NPAS3: variants seen among roughly 807,000 people sequenced by gnomAD.
The protein encoded by NPAS3 is neuronal PAS domain-containing protein 3.
In NPAS3, 14 loss-of-function variants were observed where a neutral mutation model predicts 73.1. The ratio of observed to expected loss-of-function variants is 0.19; its 90% CI spans 0.13 to 0.30. NPAS3 has a LOEUF of 0.30. Ranked by LOEUF, NPAS3 falls within the 10% of genes least tolerant of loss-of-function variation. The pLI is 1.00. For missense variants in NPAS3, 1,096 were observed against 1,250.0 expected, an observed-to-expected ratio of 0.88 and a Z score of 1.86; for synonymous variants, 620 against 541.5, an observed-to-expected ratio of 1.14 and a Z score of -2.01.
intron 4 of NPAS3, among the ~76,000 whole-genome samples, chr14:33,398,525 G>A (rs1459560066): frequency 2.0e-5 from 3 of 151,802 alleles, no homozygotes; most frequent in Non-Finnish European, 4.4e-5. Context: ...GAGTTATCTG[G>A]ATTTATTAAC....
chr14:33,070,243 C>T (rs575688147), intron 2 of NPAS3, among the ~76,000 whole-genome samples: 2 of 152,090 alleles, frequency 1.3e-5, no homozygotes, highest in Non-Finnish European at 1.5e-5. Context: ...AAATTCTCCT[C>T]CATGTTTATA....
intron 3 of NPAS3, among the ~76,000 whole-genome samples, chr14:33,276,429 C>A (rs2041337534): frequency 6.6e-6 from 1 of 152,054 alleles, no homozygotes; most frequent in Non-Finnish European, 1.5e-5. Context: ...ACCATTTGTT[C>A]TAGTCCTCCC....
intron 9 of NPAS3, among the ~76,000 whole-genome samples, chr14:33,790,938 G>T (rs1358049033): frequency 6.6e-6 from 1 of 152,184 alleles, no homozygotes; most frequent in Non-Finnish European, 1.5e-5. Flanking sequence ...CAAACATTAT[G>T]ATTTCTTTTA....
chr14:33,254,178 A>G (rs976148299), intron 3 of NPAS3, among the ~76,000 whole-genome samples: 2 of 152,018 alleles, frequency 1.3e-5, no homozygotes, highest in Non-Finnish European at 1.5e-5. Flanking sequence ...CCAATTTTCC[A>G]TGTAGCAGCT....
intron 7 of NPAS3, among the ~76,000 whole-genome samples, chr14:33,752,268 C>A (rs59556555): frequency 5.8e-4 from 88 of 152,114 alleles, no homozygotes; most frequent in African/African-American, 2.0e-3. Context: ...TCTCAAACAT[C>A]TTTTTCTTCT....
At chr14:33,641,787 C>T (rs2140185161) in intron 5 of NPAS3, among the ~76,000 whole-genome samples, 1 of 151,922 alleles carries the variant, frequency 6.6e-6, no homozygotes, top group Non-Finnish European at 1.5e-5. Flanking sequence ...GGTTTGATGC[C>T]TATATTTCTG....
At chr14:33,266,720 C>T (rs557536927) in intron 3 of NPAS3, among the ~76,000 whole-genome samples, 85 of 152,206 alleles carry the variant, frequency 5.6e-4, no homozygotes, top group African/African-American at 1.9e-3. Context: ...TTTATCTCTC[C>T]ATCTGATGAG....
At chr14:33,547,144 A>C (rs1450160182) in intron 4 of NPAS3, among the ~76,000 whole-genome samples, 1 of 152,198 alleles carries the variant, frequency 6.6e-6, no homozygotes, top group Non-Finnish European at 1.5e-5. Flanking sequence ...TTGGGATACA[A>C]GTCTTCCATT....
intron 5 of NPAS3, among the ~76,000 whole-genome samples, chr14:33,595,999 G>A (rs1291830896): frequency 1.3e-5 from 2 of 152,218 alleles, no homozygotes; most frequent in South Asian, 2.1e-4. Context: ...TGTCCCAAGT[G>A]TAAAAGATTC....
intron 4 of NPAS3, among the ~76,000 whole-genome samples, chr14:33,383,826 A>ATCTT (rs1283433363): frequency 6.6e-6 from 1 of 152,172 alleles, no homozygotes; most frequent in Non-Finnish European, 1.5e-5. Context: ...AGTAGTTTTC[A>ATCTT]TCTTTGTGTT....
intron 5 of NPAS3, among the ~76,000 whole-genome samples, chr14:33,622,265 C>T (rs904334106): frequency 1.3e-5 from 2 of 151,762 alleles, no homozygotes; most frequent in South Asian, 4.2e-4. Flanking sequence ...TAAAGTGGAA[C>T]CATAAGAAAG....
chr14:33,263,623 G>A lies in NPAS3; in HGVS notation c.385+48197G>A, dbSNP rs868192043. Among the ~76,000 whole-genome samples the A allele has an allele frequency of 3.9e-3, 594 of 152,196 alleles. 5 individuals are homozygous for A. The highest frequency in any genetic ancestry group is 0.014 in the African/African-American group (575 of 41,514). ...TGCAGGCTCTTTTTTGGTTCCATAT[G>A]AACTTTAAAGTAGTTTTTTTCCAAT... On this transcript the variant is annotated intron_variant, in intron 3 of 11. Transcript: ENST00000356141.
intron 3 of NPAS3, among the ~76,000 whole-genome samples, chr14:33,342,691 G>C (rs922196844): frequency 2.0e-5 from 3 of 151,780 alleles, no homozygotes; most frequent in African/African-American, 7.3e-5. Context: ...TTTCCTCCTT[G>C]TATTATCTTG....
At chr14:33,566,396 G>GA (rs1338800523) in intron 5 of NPAS3, among the ~76,000 whole-genome samples, 2 of 152,012 alleles carry the variant, frequency 1.3e-5, no homozygotes. Flanking sequence ...ATCCTTGGGG[G>GA]AAAAAGTTCC....
chr14:33,657,086 C>T (rs950491489), intron 5 of NPAS3, among the ~76,000 whole-genome samples: 5 of 152,228 alleles, frequency 3.3e-5, no homozygotes, highest in African/African-American at 4.8e-5. Flanking sequence ...TGGAGGACAT[C>T]GCGCTAAGTG....
At chr14:33,513,047 A>G (rs915649375) in intron 4 of NPAS3, among the ~76,000 whole-genome samples, 1 of 152,180 alleles carries the variant, frequency 6.6e-6, no homozygotes, top group Non-Finnish European at 1.5e-5. Flanking sequence ...TGAAAAGCCA[A>G]TATCCTTAGC....
intron 3 of NPAS3, among the ~76,000 whole-genome samples, chr14:33,327,890 TTA>T (rs1566799952): frequency 1.3e-5 from 2 of 152,226 alleles, no homozygotes; most frequent in African/African-American, 4.8e-5. Context: ...ACCCATTGTT[TTA>T]TTAGTATAAT....
At chr14:33,732,839 G>A (rs186115888) in intron 6 of NPAS3, among the ~76,000 whole-genome samples, 6 of 150,268 alleles carry the variant, frequency 4.0e-5, no homozygotes, top group East Asian at 1.9e-4. Context: ...TTCAGGGCAC[G>A]ATGCCGTGAT....
chr14:33,445,473 A>G (rs543339885), intron 4 of NPAS3, among the ~76,000 whole-genome samples: 1 of 152,272 alleles, frequency 6.6e-6, no homozygotes, highest in Admixed American at 6.5e-5. Context: ...TCACATACAC[A>G]TTTCCTGATC....
Sources: gnomAD v4.1 joint callset for allele counts (sites outside exome capture counted in the v4.1 genomes callset) on GRCh38, gnomAD v4.1.1 for gene constraint, MANE v1.5 for transcripts, NCBI Gene and HGNC (gene_info 2026-07-23, HGNC 2026-07-21) for gene names.